The following AFG1L variants were observed in gnomAD, a reference collection of about 807,000 sequenced individuals.
AFG1L encodes AFG1-like ATPase.
In AFG1L, 53 loss-of-function variants were observed where a neutral mutation model predicts 62.2. The ratio of observed to expected loss-of-function variants is 0.85; its 90% CI spans 0.68 to 1.07. AFG1L has a LOEUF of 1.07. Ranked by LOEUF, AFG1L falls within the 50% of genes least tolerant of loss-of-function variation. The pLI is 0.00. For synonymous variants in AFG1L, 228 were observed against 210.3 expected (o/e 1.08, Z -0.73); for missense variants, 555 against 590.5 (o/e 0.94, Z 0.62).
At chr6:108,500,420 C>G (rs187585540) in intron 10 of AFG1L, among the ~76,000 whole-genome samples, 1 of 151,964 alleles carries the variant, frequency 6.6e-6, no homozygotes, top group Non-Finnish European at 1.5e-5. Context: ...CTTATATAAC[C>G]CTGTGTATCA....
chr6:108,346,100 A>G (rs1484073207), intron 2 of AFG1L, among the ~76,000 whole-genome samples: 1 of 152,120 alleles, frequency 6.6e-6, no homozygotes, highest in Non-Finnish European at 1.5e-5. Context: ...TACTATGGTT[A>G]TTGCCTCCTG....
chr6:108,503,722 A>G (rs1774292778), intron 10 of AFG1L, among the ~76,000 whole-genome samples: 1 of 152,218 alleles, frequency 6.6e-6, no homozygotes, highest in Admixed American at 6.5e-5. Context: ...TGAAGCTTTG[A>G]AGCCAGGCAT....
chr6:108,295,245 G>A (rs1258850642), intron 1 of AFG1L, 27 bp downstream of exon 1: 1 of 1,587,174 alleles, frequency 6.3e-7, no homozygotes, highest in Non-Finnish European at 8.5e-7. Context: ...TGAGTAGTCC[G>A]AGCCGACTGC....
At chr6:108,502,246 C>T (rs2114879282) in intron 10 of AFG1L, among the ~76,000 whole-genome samples, 1 of 151,580 alleles carries the variant, frequency 6.6e-6, no homozygotes, top group East Asian at 1.9e-4. Context: ...GCTCTTGTTG[C>T]CGAGGCTGGA....
At chr6:108,337,230 G>T (rs1778508456) in intron 2 of AFG1L, among the ~76,000 whole-genome samples, 1 of 152,208 alleles carries the variant, frequency 6.6e-6, no homozygotes, top group Non-Finnish European at 1.5e-5. Flanking sequence ...ATATACGAGA[G>T]ATGTTGCTGT....
chr6:108,419,437 A>T (rs1284055543), intron 7 of AFG1L, among the ~76,000 whole-genome samples: 1 of 152,158 alleles, frequency 6.6e-6, no homozygotes, highest in Non-Finnish European at 1.5e-5. Context: ...TCTACAATAG[A>T]ATTTTCTCTT....
chr6:108,506,855 G>A (rs1774439435), intron 10 of AFG1L, among the ~76,000 whole-genome samples: 1 of 152,126 alleles, frequency 6.6e-6, no homozygotes, highest in Non-Finnish European at 1.5e-5. Context: ...ACAGATATGG[G>A]GAGCCAACTG....
chr6:108,509,300 C>T (rs898417279), intron 10 of AFG1L, among the ~76,000 whole-genome samples: 36 of 152,310 alleles, frequency 2.4e-4, no homozygotes, highest in African/African-American at 6.5e-4. Flanking sequence ...CAGTGTACTG[C>T]CTCCAATTAT....
In AFG1L at chr6:108,347,560, A is replaced by G. The variant is rs373774093; in HGVS notation, c.415+521A>G. 1.1e-4 allele frequency among the ~76,000 whole-genome samples: 17 copies of G among 152,282 alleles called. No homozygotes were observed. In the South Asian group the frequency reaches 3.3e-3, roughly 30 times the overall value. ...CCAGTTCTAGACATTGGGCAGAAAGACTCACATATTGCTGGAAACTTTCTG... is the reference window on the plus strand; with the variant it reads ...CCAGTTCTAGACATTGGGCAGAAAGGCTCACATATTGCTGGAAACTTTCTG... On this transcript the variant is annotated intron_variant, in intron 3 of 12. Coordinates refer to ENST00000368977, the MANE Select transcript of AFG1L (RefSeq NM_145315.5).
chr6:108,477,140 A>T (rs2114815626), intron 9 of AFG1L, 52 bp from the exon 10 acceptor site: 1 of 1,241,472 alleles, frequency 8.1e-7, no homozygotes, highest in East Asian at 2.3e-5. Flanking sequence ...TAAGAGATGA[A>T]TTTTATAGTA....
chr6:108,519,514 A>G (rs1259133264), intron 11 of AFG1L, among the ~76,000 whole-genome samples, 183 bp from the exon 12 acceptor site: 1 of 152,232 alleles, frequency 6.6e-6, no homozygotes, highest in Non-Finnish European at 1.5e-5. Flanking sequence ...TCTGAAAAGT[A>G]CTATGCAGTT....
intron 6 of AFG1L, among the ~76,000 whole-genome samples, chr6:108,378,672 C>T (rs933537519): frequency 6.6e-6 from 1 of 152,026 alleles, no homozygotes; most frequent in African/African-American, 2.4e-5. Context: ...GGTTAGGTAC[C>T]ATTGCTGGAG....
intron 6 of AFG1L, among the ~76,000 whole-genome samples, chr6:108,395,403 C>CTTTT (rs71551344): frequency 2.0e-4 from 25 of 122,932 alleles, no homozygotes; most frequent in South Asian, 7.7e-4. Flanking sequence ...CTTTTCTTTT[C>CTTTT]TTTTTTTTTT....
In AFG1L at chr6:108,344,845, G is replaced by A. The variant is rs147503953; in HGVS notation, c.364-2143G>A. Reference sequence around the variant, plus strand: ...AACAAAATTCAAGATGGTTATTTGGGTTGATAATAGCATTAGGTAAGATAA... The same window carrying A: ...AACAAAATTCAAGATGGTTATTTGGATTGATAATAGCATTAGGTAAGATAA... On this transcript the variant is annotated intron_variant, in intron 2 of 12. Transcript: ENST00000368977. 1.9e-4 allele frequency: 88 copies of A among 469,946 alleles called. No individual in the cohort carries two copies. In the East Asian group the frequency reaches 5.9e-3, roughly 32 times the overall value. The allele number at this position is 469,946 out of a possible 1,614,324, so 29.1% of individuals were successfully genotyped here. A position where few individuals can be genotyped will look rare whatever the true frequency, so the allele number is the denominator to read the frequency against.
intron 3 of AFG1L, among the ~76,000 whole-genome samples, chr6:108,353,192 T>C (rs1401392243): frequency 6.6e-6 from 1 of 151,768 alleles, no homozygotes; most frequent in Non-Finnish European, 1.5e-5. Context: ...TCTCTCTCTG[T>C]TGCTTAGGCT....
At chr6:108,421,922 A>AT (rs1157873799) in intron 7 of AFG1L, among the ~76,000 whole-genome samples, 1 of 152,118 alleles carries the variant, frequency 6.6e-6, no homozygotes, top group African/African-American at 2.4e-5. Context: ...AGATGTATGC[A>AT]TTTTTTAATC....
chr6:108,442,104 G>T (rs1382285399), intron 7 of AFG1L, among the ~76,000 whole-genome samples: 1 of 151,900 alleles, frequency 6.6e-6, no homozygotes, highest in Non-Finnish European at 1.5e-5. Flanking sequence ...ATGAAAAATT[G>T]ACCATTGCTT....
At chr6:108,391,719 A>T (rs1275070360) in intron 6 of AFG1L, among the ~76,000 whole-genome samples, 2 of 152,106 alleles carry the variant, frequency 1.3e-5, no homozygotes, top group African/African-American at 4.8e-5. Context: ...CAATGTCTAG[A>T]AGGGTTTTTT....
At chr6:108,383,198 A>C (rs1780623018) in intron 6 of AFG1L, among the ~76,000 whole-genome samples, 2 of 152,166 alleles carry the variant, frequency 1.3e-5, no homozygotes, top group Non-Finnish European at 2.9e-5. Context: ...AGGCCACTAC[A>C]CTCCAGCCTG....
Sources: gnomAD v4.1 joint callset for allele counts (sites outside exome capture counted in the v4.1 genomes callset) on GRCh38, gnomAD v4.1.1 for gene constraint, MANE v1.5 for transcripts, NCBI Gene and HGNC (gene_info 2026-07-23, HGNC 2026-07-21) for gene names.